Variants in AK8 observed in about 807,000 individuals in gnomAD.
AK8 encodes the protein adenylate kinase 8, also known as ATP-AMP transphosphorylase 8.
AK8 carries 44 observed loss-of-function variants against 54.6 expected under a neutral mutation model. The ratio of observed to expected loss-of-function variants is 0.81; its 90% CI spans 0.63 to 1.04. The LOEUF (loss-of-function observed/expected upper bound fraction) is 1.04. AK8 is among the 50% of genes least tolerant of loss of function. The probability of loss-of-function intolerance (pLI) is 0.00; values close to 1 mark genes in which losing one functional copy is unlikely to be tolerated. For missense variants in AK8, 555 were observed against 613.6 expected (o/e 0.90, Z 1.01); for synonymous variants, 239 against 245.6 (o/e 0.97, Z 0.25).
At chr9:132,739,922 T>A (rs574544) in intron 11 of AK8, among the ~76,000 whole-genome samples, 1 of 152,178 alleles carries the variant, frequency 6.6e-6, no homozygotes, top group East Asian at 1.9e-4. Context: ...CCTTACCTTG[T>A]GGGGCAAAGT....
chr9:132,801,760 A>G lies in AK8; in HGVS notation c.980-8985T>C, dbSNP rs941711649. 1.1e-4 allele frequency among the ~76,000 whole-genome samples: 17 copies of G among 152,258 alleles called. No individual in the cohort carries two copies. In the South Asian group the frequency reaches 1.9e-3, roughly 17 times the overall value. ...TGATGAGCCTGGCCCTGTTCTAAGC[A>G]TGTCTTTGTTCTAATACAAATATTA... On this transcript the variant is annotated intron_variant, in intron 10 of 12. Transcript: ENST00000298545.
chr9:132,843,630 C>T (rs887315472), intron 5 of AK8, among the ~76,000 whole-genome samples: 2 of 152,080 alleles, frequency 1.3e-5, no homozygotes, highest in South Asian at 2.1e-4. Flanking sequence ...GAAGCTGAAC[C>T]GCAGGCAGGC....
intron 6 of AK8, 68 bp from the exon 7 acceptor site, chr9:132,828,152 C>T (rs940772370): frequency 7.4e-7 from 1 of 1,357,188 alleles, no homozygotes; most frequent in African/African-American, 1.5e-5. Context: ...TTGAATATCA[C>T]AGACCAATAC....
chr9:132,800,828 A>C (rs1361860673), intron 10 of AK8, among the ~76,000 whole-genome samples: 1 of 152,092 alleles, frequency 6.6e-6, no homozygotes, highest in Non-Finnish European at 1.5e-5. Flanking sequence ...CTACTCAGGC[A>C]AAAGGCAAAG....
At chr9:132,875,297 C>A in intron 1 of AK8, 98 bp from the exon 2 acceptor site, 1 of 1,525,184 alleles carries the variant, frequency 6.6e-7, no homozygotes, top group South Asian at 1.2e-5. Context: ...CACTGCACCC[C>A]ACCAAACATG....
intron 9 of AK8, among the ~76,000 whole-genome samples, chr9:132,822,549 T>C (rs1361567058): frequency 6.6e-6 from 1 of 152,000 alleles, no homozygotes; most frequent in Non-Finnish European, 1.5e-5. Context: ...GTAGGGGCAG[T>C]GCTTTTAACT....
intron 11 of AK8, among the ~76,000 whole-genome samples, chr9:132,765,424 C>T (rs1400517522): frequency 6.6e-6 from 1 of 151,104 alleles, no homozygotes; most frequent in African/African-American, 2.4e-5. Context: ...ACAGAAACCA[C>T]ACGATCATCT....
chr9:132,791,715 A>G lies in AK8; in HGVS notation c.1121+919T>C, dbSNP rs1486322191. Among the ~76,000 whole-genome samples, 5 of 152,216 alleles carry G rather than the reference A, an allele frequency of 3.3e-5. No individual in the cohort carries two copies. Among genetic ancestry groups the G allele is most frequent in the Non-Finnish European group, 7.3e-5 (5 of 68,036 alleles). ...CTAAACACACAGTTTGATGATGGTC[A>G]GACCATATATAAAAAGAGAACTGGA... On this transcript the variant is annotated intron_variant, in intron 11 of 12. Transcript: ENST00000298545. This position sits in a 1 kb window ranked among gnomAD's most constrained non-coding sequence, Gnocchi z 4.0.
chr9:132,764,273 G>T (rs1402785250), intron 11 of AK8, among the ~76,000 whole-genome samples: 1 of 152,106 alleles, frequency 6.6e-6, no homozygotes, highest in African/African-American at 2.4e-5. Flanking sequence ...TCACACCACT[G>T]CACTCCAGCC....
At chr9:132,738,361 T>C (rs1357930989) in intron 11 of AK8, among the ~76,000 whole-genome samples, 1 of 152,146 alleles carries the variant, frequency 6.6e-6, no homozygotes, top group Non-Finnish European at 1.5e-5. Flanking sequence ...CCTAAGTATC[T>C]TAACATGGGC....
At position 132,790,373 on chromosome 9, in the gene AK8, C is replaced by A. The variant is rs1839894752; in HGVS notation, c.1121+2261G>T. Among the ~76,000 whole-genome samples, 1 of 152,042 alleles carries A rather than the reference C, an allele frequency of 6.6e-6. No individual in the cohort carries two copies. The highest frequency in any genetic ancestry group is 1.5e-5 in the Non-Finnish European group (1 of 67,996). On this transcript the variant is annotated intron_variant, in intron 11 of 12. Transcript: ENST00000298545. The surrounding 1 kb of genome is among the most constrained non-coding windows in gnomAD (Gnocchi z 4.1). ...TCACACCATTCTCCTGCCTCAGACT[C>A]CCAAGTAGCTGGGACTACAGGCGGC...
intron 9 of AK8, among the ~76,000 whole-genome samples, chr9:132,818,265 T>TA (rs1564418789): frequency 6.6e-6 from 1 of 152,244 alleles, no homozygotes; most frequent in Non-Finnish European, 1.5e-5. Context: ...AACCTGGATC[T>TA]AAACCAAGGA....
At chr9:132,843,263 G>A (rs59252491) in intron 5 of AK8, among the ~76,000 whole-genome samples, 14,637 of 152,072 alleles carry the variant, frequency 0.096, 902 homozygotes, top group African/African-American at 0.15. Flanking sequence ...CAAGAGATCT[G>A]GTTAAAAGTG....
At chr9:132,859,070 CTG>C (rs1843285990) in intron 4 of AK8, among the ~76,000 whole-genome samples, 1 of 152,168 alleles carries the variant, frequency 6.6e-6, no homozygotes. Flanking sequence ...GGCATTCCCA[CTG>C]TGTCTCAGTT....
rs1163085723 is a variant in AK8, at chr9:132,863,628, G to T, written c.333+37C>A. 2.1e-6 allele frequency: 3 copies of T among 1,463,330 alleles called. No homozygotes were observed. In the East Asian group the frequency reaches 6.8e-5, roughly 33 times the overall value. The allele number at this position is 1,463,330 out of a possible 1,614,324, so 90.6% of individuals were successfully genotyped here. ...AGTGGGTGTGGCAGTGGGCACTGCTGCTGTGTGCCTACCCCTGTCCCCGGG... is the reference window on the plus strand; with the variant it reads ...AGTGGGTGTGGCAGTGGGCACTGCTTCTGTGTGCCTACCCCTGTCCCCGGG... On this transcript the variant is annotated intron_variant, in intron 4 of 12. Coordinates refer to ENST00000298545, the MANE Select transcript of AK8 (RefSeq NM_152572.3).
At chr9:132,836,945 G>A (rs780409408) in intron 5 of AK8, among the ~76,000 whole-genome samples, 9 of 152,216 alleles carry the variant, frequency 5.9e-5, no homozygotes, top group African/African-American at 1.9e-4. Context: ...CAGATAGCAG[G>A]TGCTTAATAA....
rs189263028 is a variant in AK8 at position 132,837,227 on chromosome 9, G to A, written c.403-8501C>T. On this transcript the variant is annotated intron_variant, in intron 5 of 12. Coordinates refer to ENST00000298545, the MANE Select transcript of AK8 (RefSeq NM_152572.3). This position sits in a 1 kb window ranked among gnomAD's most constrained non-coding sequence, Gnocchi z 4.3. ...CCAGCTACTCGGGAGACTGAGGCAGGAGAATCGCTTGAATCTTGGAGGCAG... is the reference window on the plus strand; with the variant it reads ...CCAGCTACTCGGGAGACTGAGGCAGAAGAATCGCTTGAATCTTGGAGGCAG... Among the ~76,000 whole-genome samples the A allele has an allele frequency of 1.3e-5, 2 of 151,466 alleles. No individual in the cohort carries two copies. Among genetic ancestry groups the A allele is most frequent in the South Asian group, 2.1e-4 (1 of 4,778 alleles).
chr9:132,734,177 C>T (rs1438563052), intron 11 of AK8, among the ~76,000 whole-genome samples: 3 of 152,212 alleles, frequency 2.0e-5, no homozygotes, highest in Admixed American at 1.3e-4. Flanking sequence ...GGAAGGCTTG[C>T]GTAAAATACA....
In AK8 at chr9:132,727,729, A is replaced by C. The variant is rs981551223; in HGVS notation, c.1122-195T>G. ...CCACTCCAGAGCCTGTGTCCCCCCA[A>C]CCGCCTCCTTCATCTGACTCTCACA... On this transcript the variant is annotated intron_variant, in intron 11 of 12. Coordinates refer to ENST00000298545, the MANE Select transcript of AK8 (RefSeq NM_152572.3). The C allele has an allele frequency of 8.6e-6, 4 of 463,168 alleles. No homozygotes were observed. The East Asian group carries it at 1.6e-4, about 19-fold the overall frequency. 28.7% of individuals were successfully genotyped at this position (463,168 alleles called of 1,614,324 possible). A position where few individuals can be genotyped will look rare whatever the true frequency, so the allele number is the denominator to read the frequency against.
Sources: allele counts gnomAD v4.1 joint callset (sites outside exome capture counted in the v4.1 genomes callset), GRCh38; gene constraint gnomAD v4.1.1; non-coding constraint Gnocchi (gnomAD v3.1); transcripts MANE v1.5; gene names NCBI Gene and HGNC (gene_info 2026-07-23, HGNC 2026-07-21).